Variants in PTRH1 observed in about 807,000 individuals in gnomAD.
PTRH1 encodes peptidyl-tRNA hydrolase 1 homolog, also known as peptidyl-tRNA hydrolase.
A neutral mutation model predicts 15.7 loss-of-function variants in PTRH1; 13 were observed. That is an observed-to-expected ratio of 0.83 (90% CI 0.54 to 1.31). PTRH1 has a LOEUF of 1.31. PTRH1 is among the 40% of genes most tolerant of loss of function. The probability of loss-of-function intolerance (pLI) is 0.00; values close to 1 mark genes in which losing one functional copy is unlikely to be tolerated. For synonymous variants in PTRH1, 139 were observed against 136.7 expected (o/e 1.02, Z -0.12); for missense variants, 319 against 296.2 (o/e 1.08, Z -0.56).
intron 1 of PTRH1, among the ~76,000 whole-genome samples, chr9:127,708,623 G>A (rs1842698699): frequency 1.3e-5 from 2 of 152,178 alleles, no homozygotes; most frequent in South Asian, 4.1e-4. Flanking sequence ...TGAGATATCA[G>A]GTAGAATATA....
At chr9:127,698,541 T>G (rs995708608) in intron 1 of PTRH1, among the ~76,000 whole-genome samples, 22 of 151,444 alleles carry the variant, frequency 1.5e-4, no homozygotes, top group African/African-American at 3.4e-4. Context: ...AAAAGAAAAA[T>G]TAGCCAGTCG....
At chr9:127,704,929 T>A (rs558029454) in intron 1 of PTRH1, among the ~76,000 whole-genome samples, 15 of 152,062 alleles carry the variant, frequency 9.9e-5, no homozygotes, top group Admixed American at 3.9e-4. Flanking sequence ...TTTTTTTTTT[T>A]AGAGATGGGG....
At chr9:127,711,117 A>T, downstream of PTRH1, 4 of 1,298,078 alleles carry the variant, frequency 3.1e-6, no homozygotes, top group Non-Finnish European at 4.2e-6. Context: ...TCCCAGGGAG[A>T]GAGCATGCTG....
At chr9:127,695,248 T>C (rs1842548838) in intron 1 of PTRH1, 1 of 600,906 alleles carries the variant, frequency 1.7e-6, no homozygotes, top group African/African-American at 1.8e-5. Flanking sequence ...TTAAAGCAGT[T>C]AAAAATGCAT....
chr9:127,695,045 C>T, exon 2 of PTRH1: 1 of 698,020 alleles, frequency 1.4e-6, no homozygotes, highest in East Asian at 2.7e-5. Context: ...ACAGTGAGGG[C>T]TCAGCCATTG....
chr9:127,703,040 C>T (rs1333125303), intron 1 of PTRH1, among the ~76,000 whole-genome samples: 1 of 151,288 alleles, frequency 6.6e-6, no homozygotes, highest in Non-Finnish European at 1.5e-5. Context: ...TTTGAAATAA[C>T]CAATCCACTT....
chr9:127,709,465 T>G, downstream of PTRH1: 1 of 1,613,956 alleles, frequency 6.2e-7, no homozygotes. This position sits in a 1 kb window ranked among gnomAD's most constrained non-coding sequence, Gnocchi z 4.7. Flanking sequence ...GGAGAAGATG[T>G]TCCGCCAGGA....
chr9:127,711,810 G>T, downstream of PTRH1: 1 of 1,556,238 alleles, frequency 6.4e-7, no homozygotes, highest in Non-Finnish European at 8.7e-7. Context: ...CCACCTGTCC[G>T]CACCCGCAGA....
intron 1 of PTRH1, among the ~76,000 whole-genome samples, chr9:127,704,953 G>A (rs1842631540): frequency 6.6e-6 from 1 of 151,028 alleles, no homozygotes; most frequent in African/African-American, 2.4e-5. Context: ...TTGCTATATT[G>A]CCCAGGCTGG....
chr9:127,704,505 CAAAA>C (rs374789277), intron 1 of PTRH1, among the ~76,000 whole-genome samples: 3 of 50,446 alleles, frequency 5.9e-5, no homozygotes, highest in Admixed American at 2.0e-4. Context: ...GACACTGTCT[CAAAA>C]AAAAAAAAAA....
downstream of PTRH1, chr9:127,712,130 C>T: frequency 6.3e-7 from 1 of 1,582,244 alleles, no homozygotes; most frequent in Non-Finnish European, 8.6e-7. Context: ...ATGGCAGGGC[C>T]CCTGGCCCCA....
intron 1 of PTRH1, among the ~76,000 whole-genome samples, chr9:127,707,706 T>C (rs1419005569): frequency 6.6e-6 from 1 of 152,168 alleles, no homozygotes; most frequent in Non-Finnish European, 1.5e-5. Flanking sequence ...CTAGAGCCAG[T>C]TTTGTGTGTG....
chr9:127,694,651 G>A (rs372505624), intron 2 of PTRH1, among the ~76,000 whole-genome samples: 138 of 152,018 alleles, frequency 9.1e-4, no homozygotes, highest in African/African-American at 3.2e-3. Context: ...GTGTCATTCC[G>A]AGGTGGGTGC....
Position 127,703,969 on chromosome 9 carries a change from T to C in PTRH1, c.206-8828A>G, listed in dbSNP as rs569173966. 5.9e-5 allele frequency among the ~76,000 whole-genome samples: 9 copies of C among 152,166 alleles called. No homozygotes were observed. The South Asian group carries it at 1.9e-3, about 32-fold the overall frequency. On this transcript the variant is annotated intron_variant, in intron 1 of 2. Coordinates refer to the PTRH1 transcript ENST00000335223. The stretch of plus-strand genomic sequence containing the variant: ...GGGCAGGGAGGGGTGGGGTGCTGTG[T>C]AGAGAAAGGCCAGCAGCCTTCCCCT...
intron 1 of PTRH1, chr9:127,707,242 G>T (rs751445300): frequency 1.3e-6 from 2 of 1,584,972 alleles, no homozygotes; most frequent in Non-Finnish European, 1.7e-6. Context: ...AGAAGCCCAT[G>T]CCCAGGTGGC....
At chr9:127,713,101 A>G (rs767555039), downstream of PTRH1, 30 of 1,613,426 alleles carry the variant, frequency 1.9e-5, no homozygotes, top group Non-Finnish European at 2.5e-5. Flanking sequence ...CGGGGGATCT[A>G]GGCCTGGTAC....
chr9:127,711,355 G>A, downstream of PTRH1: 1 of 1,614,178 alleles, frequency 6.2e-7, no homozygotes, highest in Non-Finnish European at 8.5e-7. Context: ...CCCTGCAGAT[G>A]GCCAGGGTCT....
chr9:127,695,220 A>G, intron 1 of PTRH1: 1 of 626,190 alleles, frequency 1.6e-6, no homozygotes, highest in Non-Finnish European at 2.9e-6. Flanking sequence ...TAAACTGTGT[A>G]TTCACCCAAT....
chr9:127,715,616 G>C lies in PTRH1; in HGVS notation c.24C>G (p.Gly8=), dbSNP rs780239843. The change falls in exon 1 of 5, where the codon GGC becomes GGG. Residue 8 remains glycine (G), a synonymous_variant. Coordinates refer to ENST00000543175, the MANE Select transcript of PTRH1 (RefSeq NM_001002913.3). This position sits in a 1 kb window ranked among gnomAD's most constrained non-coding sequence, Gnocchi z 5.8. Reference sequence around the variant, plus strand: ...TGGCTCTACTCAGCCGCTGTCCGGCGCCCAAAAAGCCGCCCGGCCTCATGC... The same window carrying C: ...TGGCTCTACTCAGCCGCTGTCCGGCCCCCAAAAAGCCGCCCGGCCTCATGC... MRPGGFL[G]AGQRLSRAMS... 2 of 1,612,640 alleles carry C rather than the reference G, an allele frequency of 1.2e-6. No homozygotes were observed. Among genetic ancestry groups the C allele is most frequent in the East Asian group, 4.5e-5 (2 of 44,878 alleles).
Sources: gnomAD v4.1 joint callset for allele counts (sites outside exome capture counted in the v4.1 genomes callset) on GRCh38, gnomAD v4.1.1 for gene constraint, Gnocchi (gnomAD v3.1) non-coding constraint, MANE v1.5 for transcripts, NCBI Gene and HGNC (gene_info 2026-07-23, HGNC 2026-07-21) for gene names.